CDH13: variants seen among roughly 807,000 people sequenced by gnomAD.
CDH13 encodes the protein cadherin-13.
Under a neutral mutation model 63.8 loss-of-function variants are expected in CDH13, and 24 were observed. The observed-to-expected ratio is 0.38, with a 90% CI of 0.27 to 0.53. The LOEUF (loss-of-function observed/expected upper bound fraction) is 0.53, where lower values mean the gene tolerates loss of function less well. Ranked by LOEUF, CDH13 falls within the 20% of genes least tolerant of loss-of-function variation. CDH13 has a pLI of 0.85. For missense variants in CDH13, 1,049 were observed against 903.1 expected, an observed-to-expected ratio of 1.16 and a Z score of -2.07; for synonymous variants, 503 against 355.3, an observed-to-expected ratio of 1.42 and a Z score of -4.67.
chr16:83,306,879 G>A (rs895671433), intron 5 of CDH13, among the ~76,000 whole-genome samples: 1 of 152,166 alleles, frequency 6.6e-6, no homozygotes, highest in Admixed American at 6.5e-5. Flanking sequence ...TATACTTATA[G>A]CAACACGAAA....
rs552372015 is a variant in CDH13, at chr16:83,344,578, G to A, written c.637-284G>A. ...CAAGCGTAATTTCTTGGCTATGACTGTTTATGTTTTGAGTTTTTTTGTTTT... is the reference window on the plus strand; with the variant it reads ...CAAGCGTAATTTCTTGGCTATGACTATTTATGTTTTGAGTTTTTTTGTTTT... On this transcript the variant is annotated intron_variant, in intron 5 of 13. Transcript: ENST00000567109. Among the ~76,000 whole-genome samples, 9 of 152,270 alleles carry A rather than the reference G, an allele frequency of 5.9e-5. No homozygotes were observed. The South Asian group carries it at 1.7e-3, about 28-fold the overall frequency.
intron 2 of CDH13, among the ~76,000 whole-genome samples, chr16:82,933,256 G>T (rs979989522): frequency 2.0e-5 from 3 of 152,120 alleles, no homozygotes; most frequent in Non-Finnish European, 4.4e-5. Context: ...TATGGCCGAA[G>T]GGGAAGCAAA....
At chr16:82,682,422 G>C (rs1054003427) in intron 1 of CDH13, among the ~76,000 whole-genome samples, 1 of 152,202 alleles carries the variant, frequency 6.6e-6, no homozygotes, top group Non-Finnish European at 1.5e-5. Flanking sequence ...CCTATTGGAG[G>C]CAGGCACTGG....
chr16:83,711,955 G>A (rs745943016), intron 10 of CDH13, among the ~76,000 whole-genome samples: 1 of 152,192 alleles, frequency 6.6e-6, no homozygotes, highest in East Asian at 1.9e-4. Flanking sequence ...TGAGATCAAG[G>A]TGTTGGCAGA....
chr16:83,520,927 C>G (rs933085314), intron 7 of CDH13, among the ~76,000 whole-genome samples: 2 of 152,094 alleles, frequency 1.3e-5, no homozygotes, highest in Non-Finnish European at 2.9e-5. Context: ...GCTGCCCCAC[C>G]AAGAGAAGTG....
At position 83,077,186 on chromosome 16, in the gene CDH13, C is replaced by CTTTTTTTT. The variant is rs34536219; in HGVS notation, c.366+44985_366+44992dup. Among the ~76,000 whole-genome samples the CTTTTTTTT allele has an allele frequency of 1.7e-3, 98 of 59,178 alleles. 2 individuals carry two copies. The highest frequency in any genetic ancestry group is 2.5e-3 in the South Asian group (3 of 1,200). 38.8% of individuals were successfully genotyped at this position (59,178 alleles called of 152,430 possible). On this transcript the variant is annotated intron_variant, in intron 3 of 13. Transcript: ENST00000567109. Reference sequence around the variant, plus strand: ...TCTTTTCTTTTCTTTTTTTTCTTTTCTTTTTTTTTTTTTTTTTTTTTTTTG... The same window carrying CTTTTTTTT: ...TCTTTTCTTTTCTTTTTTTTCTTTTCTTTTTTTTTTTTTTTTTTTTTTTTTTTTTTTTG...
At chr16:83,699,453 T>A (rs1281258251) in intron 10 of CDH13, among the ~76,000 whole-genome samples, 1 of 152,216 alleles carries the variant, frequency 6.6e-6, no homozygotes, top group Non-Finnish European at 1.5e-5. Context: ...CCAAGATTTC[T>A]GCAAATTCCA....
At chr16:83,722,604 G>A (rs114559834) in intron 10 of CDH13, among the ~76,000 whole-genome samples, 1,760 of 152,350 alleles carry the variant, frequency 0.012, 14 homozygotes, top group Non-Finnish European at 0.019. Context: ...AAAATAGCCA[G>A]AGGTAAGTGA....
At chr16:82,640,146 G>A (rs1488211074) in intron 1 of CDH13, among the ~76,000 whole-genome samples, 1 of 152,186 alleles carries the variant, frequency 6.6e-6, no homozygotes, top group African/African-American at 2.4e-5. Flanking sequence ...ATAGAAAAAC[G>A]TTCAAATGGG....
At chr16:82,977,126 A>G (rs900731755) in intron 2 of CDH13, among the ~76,000 whole-genome samples, 1 of 152,218 alleles carries the variant, frequency 6.6e-6, no homozygotes, top group Non-Finnish European at 1.5e-5. Context: ...TTCCACACCA[A>G]TGTGGCTCCT....
At chr16:83,108,417 T>C (rs2034889376) in intron 3 of CDH13, among the ~76,000 whole-genome samples, 1 of 152,150 alleles carries the variant, frequency 6.6e-6, no homozygotes, top group Non-Finnish European at 1.5e-5. Flanking sequence ...ACAGAAGTTA[T>C]TGGACAAAAA....
chr16:82,664,943 A>T (rs1183119864), intron 1 of CDH13, among the ~76,000 whole-genome samples: 1 of 152,168 alleles, frequency 6.6e-6, no homozygotes, highest in Non-Finnish European at 1.5e-5. Flanking sequence ...GATTCTCATT[A>T]TTCATGAATT....
intron 2 of CDH13, among the ~76,000 whole-genome samples, chr16:82,975,445 C>G (rs1235515957): frequency 6.6e-6 from 1 of 152,188 alleles, no homozygotes; most frequent in African/African-American, 2.4e-5. Context: ...TAGGCATGCT[C>G]TTAACCTCTC....
At chr16:83,380,054 C>G (rs1209098351) in intron 6 of CDH13, among the ~76,000 whole-genome samples, 3 of 150,520 alleles carry the variant, frequency 2.0e-5, no homozygotes, top group Non-Finnish European at 4.4e-5. Context: ...ATAAAATATA[C>G]CATATTATTC....
chr16:83,321,494 T>A (rs1321082104), intron 5 of CDH13, among the ~76,000 whole-genome samples: 1 of 150,832 alleles, frequency 6.6e-6, no homozygotes, highest in African/African-American at 2.4e-5. Context: ...TACCTCCTCA[T>A]TTTTTTTTCT....
intron 5 of CDH13, among the ~76,000 whole-genome samples, chr16:83,307,026 G>C (rs560776827): frequency 1.1e-4 from 17 of 152,292 alleles, no homozygotes; most frequent in African/African-American, 4.1e-4. Context: ...ACCTCTTTCG[G>C]CATGAATAAG....
chr16:82,706,546 TGCAGAGGTCA>T (rs1259830857), intron 1 of CDH13, among the ~76,000 whole-genome samples: 3 of 151,466 alleles, frequency 2.0e-5, no homozygotes, highest in Admixed American at 1.3e-4. Flanking sequence ...TGTTCAGAAA[TGCAGAGGTCA>T]GCGGAGGTGG....
intron 8 of CDH13, among the ~76,000 whole-genome samples, chr16:83,635,412 C>T (rs145461382): frequency 0.012 from 1,614 of 135,750 alleles, 10 homozygotes; most frequent in Middle Eastern, 0.067. Flanking sequence ...GGTGTGACCT[C>T]GGCTCACCAC....
At chr16:83,032,452 A>T (rs1346849084) in intron 3 of CDH13, 2 of 514,076 alleles carry the variant, frequency 3.9e-6, no homozygotes, top group African/African-American at 1.9e-5. Context: ...TATTTTAGGG[A>T]TACTTCTGCC....
Sources: gnomAD v4.1 joint callset for allele counts (sites outside exome capture counted in the v4.1 genomes callset) on GRCh38, gnomAD v4.1.1 for gene constraint, MANE v1.5 for transcripts, NCBI Gene and HGNC (gene_info 2026-07-23, HGNC 2026-07-21) for gene names.